Variants in OSBPL9 observed in about 807,000 individuals in gnomAD.
OSBPL9 encodes oxysterol-binding protein-related protein 9.
OSBPL9 carries 40 observed loss-of-function variants against 106.6 expected under a neutral mutation model. The observed-to-expected ratio is 0.38, with a 90% CI of 0.29 to 0.49. The LOEUF (loss-of-function observed/expected upper bound fraction) is 0.49. Ranked by LOEUF, OSBPL9 falls within the 20% of genes least tolerant of loss-of-function variation. The pLI is 0.97. For missense variants in OSBPL9, 609 were observed against 887.2 expected (o/e 0.69, Z 3.98); for synonymous variants, 269 against 295.4 (o/e 0.91, Z 0.92).
intron 9 of OSBPL9, 178 bp from the exon 10 acceptor site, chr1:51,760,512 C>T: frequency 1.2e-6 from 1 of 802,260 alleles, no homozygotes. Flanking sequence ...CCTTACTATG[C>T]TTTAAGCAAC....
At chr1:51,574,492 G>A (rs546280624), upstream of OSBPL9, among the ~76,000 whole-genome samples, 1 of 152,318 alleles carries the variant, frequency 6.6e-6, no homozygotes, top group Admixed American at 6.5e-5. Flanking sequence ...GGTGGCGGAT[G>A]CCTGTAGTCC....
intron 12 of OSBPL9, among the ~76,000 whole-genome samples, chr1:51,771,488 C>T (rs1289288812): frequency 6.6e-6 from 1 of 151,918 alleles, no homozygotes; most frequent in Non-Finnish European, 1.5e-5. Context: ...AATATACGTG[C>T]GTGTGCGCGC....
chr1:51,574,825 AC>A (rs1231216543), upstream of OSBPL9, among the ~76,000 whole-genome samples: 7 of 143,912 alleles, frequency 4.9e-5, no homozygotes, highest in Non-Finnish European at 1.0e-4. Context: ...AACATTTTAT[AC>A]CTTCTTGAAT....
the OSBPL9 span, among the ~76,000 whole-genome samples, chr1:51,529,744 C>T: frequency 6.6e-6 from 1 of 151,266 alleles, no homozygotes. Context: ...CATGCAACTA[C>T]ATATTCACAT....
chr1:51,702,480 C>T (rs1173484135), intron 3 of OSBPL9, among the ~76,000 whole-genome samples: 2 of 152,162 alleles, frequency 1.3e-5, no homozygotes, highest in African/African-American at 4.8e-5. Flanking sequence ...CCTTTGCCCA[C>T]TTGTTGATGG....
intron 3 of OSBPL9, among the ~76,000 whole-genome samples, chr1:51,690,032 A>G (rs975887210): frequency 1.3e-5 from 2 of 152,054 alleles, no homozygotes; most frequent in African/African-American, 4.8e-5. Flanking sequence ...TATTTCTAAC[A>G]TTTTTGTAGT....
the OSBPL9 span, among the ~76,000 whole-genome samples, chr1:51,563,015 C>G: frequency 6.6e-6 from 1 of 152,086 alleles, no homozygotes; most frequent in East Asian, 1.9e-4. Context: ...TCAAAACCAG[C>G]CTGGCCAATA....
chr1:51,772,827 A>C (rs775179628), intron 14 of OSBPL9, 104 bp downstream of exon 14: 4 of 811,870 alleles, frequency 4.9e-6, no homozygotes, highest in Non-Finnish European at 8.6e-6. Flanking sequence ...ATTTCTTTTT[A>C]TACCTGTGTC....
intron 1 of OSBPL9, among the ~76,000 whole-genome samples, chr1:51,584,673 G>A (rs183958114): frequency 3.0e-4 from 46 of 152,186 alleles, no homozygotes; most frequent in South Asian, 6.2e-4. Flanking sequence ...CCGAGATCGC[G>A]CCATTGCACT....
intron 16 of OSBPL9, among the ~76,000 whole-genome samples, chr1:51,782,282 A>G (rs986390944): frequency 6.6e-6 from 1 of 152,242 alleles, no homozygotes. Flanking sequence ...AAGACAGACA[A>G]GTATGTGTCT....
At chr1:51,660,457 G>A (rs900646325) in intron 2 of OSBPL9, among the ~76,000 whole-genome samples, 3 of 151,976 alleles carry the variant, frequency 2.0e-5, no homozygotes, top group African/African-American at 7.2e-5. Flanking sequence ...TATTAATAAA[G>A]AAGACAAAAA....
At chr1:51,748,437 A>G in intron 7 of OSBPL9, 39 bp downstream of exon 7, 1 of 1,441,398 alleles carries the variant, frequency 6.9e-7, no homozygotes, top group Non-Finnish European at 9.1e-7. Flanking sequence ...TTTGCATTAG[A>G]AAATGTTTTA....
intron 8 of OSBPL9, chr1:51,752,679 CT>C (rs1226371336): frequency 7.5e-6 from 3 of 401,836 alleles, no homozygotes; most frequent in African/African-American, 2.1e-5. Flanking sequence ...GATGAGGGTC[CT>C]TCTCTTGGCC....
intron 1 of OSBPL9, among the ~76,000 whole-genome samples, chr1:51,578,356 A>G (rs192724294): frequency 2.5e-4 from 38 of 152,358 alleles, no homozygotes; most frequent in African/African-American, 5.3e-4. Context: ...AACAGTATCA[A>G]TACAAATGAA....
At chr1:51,786,712 G>C in intron 22 of OSBPL9, 95 bp downstream of exon 22, 2 of 970,906 alleles carry the variant, frequency 2.1e-6, no homozygotes, top group Admixed American at 2.1e-5. Context: ...GTAGGGCAGA[G>C]CATAATAGTA....
At chr1:51,707,243 G>T (rs944574031) in intron 3 of OSBPL9, 6 of 296,660 alleles carry the variant, frequency 2.0e-5, no homozygotes, top group Non-Finnish European at 4.2e-5. Context: ...GGTCATTGAG[G>T]GCAGTGGTGG....
intron 3 of OSBPL9, among the ~76,000 whole-genome samples, chr1:51,693,102 G>A (rs1353635902): frequency 6.6e-6 from 1 of 152,096 alleles, no homozygotes; most frequent in Non-Finnish European, 1.5e-5. Flanking sequence ...GGATCAGCCT[G>A]AGTGTGATGG....
chr1:51,751,028 A>G (rs1669118486), intron 8 of OSBPL9, among the ~76,000 whole-genome samples: 2 of 152,206 alleles, frequency 1.3e-5, no homozygotes, highest in Non-Finnish European at 2.9e-5. Flanking sequence ...TTTGGATAGT[A>G]AGGATATTTA....
intron 3 of OSBPL9, among the ~76,000 whole-genome samples, chr1:51,674,880 T>C (rs955950749): frequency 1.3e-5 from 2 of 152,174 alleles, no homozygotes; most frequent in Non-Finnish European, 1.5e-5. Context: ...ACACATAAAA[T>C]ACACTAACGA....
Sources: gnomAD v4.1 joint callset for allele counts (sites outside exome capture counted in the v4.1 genomes callset) on GRCh38, gnomAD v4.1.1 for gene constraint, MANE v1.5 for transcripts, NCBI Gene and HGNC (gene_info 2026-07-23, HGNC 2026-07-21) for gene names.